The following TGS1 variants were observed in gnomAD, a reference collection of about 807,000 sequenced individuals.
TGS1 encodes trimethylguanosine synthase.
A neutral mutation model predicts 92.2 loss-of-function variants in TGS1; 69 were observed. That is an observed-to-expected ratio of 0.75 (90% confidence interval 0.62 to 0.91). The LOEUF (loss-of-function observed/expected upper bound fraction) is 0.91, where lower values mean the gene tolerates loss of function less well. Among genes scored for constraint, TGS1 ranks in the 40% least tolerant of loss-of-function variants. TGS1 has a pLI of 0.00. For synonymous variants in TGS1, 345 were observed against 338.1 expected (o/e 1.02, Z -0.22); for missense variants, 1,062 against 1,001.2 (o/e 1.06, Z -0.82).
chr8:55,807,441 A>T (rs918662647), intron 10 of TGS1, among the ~76,000 whole-genome samples: 2 of 152,138 alleles, frequency 1.3e-5, no homozygotes, highest in East Asian at 3.8e-4. Context: ...TTCCCCAGGG[A>T]AAGAAATGGG....
At chr8:55,796,214 A>T in intron 7 of TGS1, 62 bp downstream of exon 7, 5 of 1,294,168 alleles carry the variant, frequency 3.9e-6, no homozygotes, top group Non-Finnish European at 5.4e-6. Context: ...TTGACCTCTT[A>T]AAATTGTTGT....
Position 55,809,682 on chromosome 8 carries a change from G to A in TGS1, c.2144-1199G>A, listed in dbSNP as rs142182562. Among the ~76,000 whole-genome samples the A allele has an allele frequency of 9.2e-3, 1,404 of 152,188 alleles. 6 individuals carry two copies. Among genetic ancestry groups the A allele is most frequent in the Admixed American group, 0.018 (273 of 15,290 alleles). On this transcript the variant is annotated intron_variant, in intron 10 of 12. Transcript: ENST00000260129. ...ACTCCTGAGCTCAAGGGGTCCACCC[G>A]CCTCAGCCTCCCAAAGTGCTGGGAT...
At chr8:55,782,120 A>G (rs1162583982) in intron 1 of TGS1, among the ~76,000 whole-genome samples, 2 of 152,066 alleles carry the variant, frequency 1.3e-5, no homozygotes, top group African/African-American at 4.8e-5. Flanking sequence ...ATCATAAGGA[A>G]TATCAGATGT....
chr8:55,795,944 T>G (rs894834657), intron 6 of TGS1, 34 bp from the exon 7 acceptor site: 2 of 1,531,460 alleles, frequency 1.3e-6, no homozygotes, highest in Non-Finnish European at 1.8e-6. Flanking sequence ...TCCTAGAATT[T>G]AAGTTGTGAA....
chr8:55,777,289 GT>G (rs35331898), intron 1 of TGS1, among the ~76,000 whole-genome samples: 116,606 of 142,994 alleles, frequency 0.82, 47,619 homozygotes, highest in African/African-American at 0.93. Context: ...GATTACAGGT[GT>G]TTTTTTTTTT....
chr8:55,819,729 TA>T (rs1186976109), intron 12 of TGS1, among the ~76,000 whole-genome samples: 1 of 152,228 alleles, frequency 6.6e-6, no homozygotes. Context: ...ATTTAATGAA[TA>T]TTTTTAAGTT....
At chr8:55,811,770 GGA>G (rs1803347466) in intron 11 of TGS1, among the ~76,000 whole-genome samples, 3 of 151,904 alleles carry the variant, frequency 2.0e-5, no homozygotes, top group South Asian at 4.2e-4. Context: ...CAAAAAATAG[GGA>G]GAGAGAGAAA....
chr8:55,825,765 C>A lies in TGS1; in HGVS notation c.*1062C>A, dbSNP rs1158137430. Among the ~76,000 whole-genome samples the A allele has an allele frequency of 1.3e-5, 2 of 151,978 alleles. No homozygotes were observed. The highest frequency in any genetic ancestry group is 4.8e-5 in the African/African-American group (2 of 41,258). ...GTTTACAATTTATCTGATTGCTCTG[C>A]AGTACAGTAGCAACTGAGCTGATCA... On this transcript the variant is annotated 3_prime_UTR_variant, in exon 13 of 13. Transcript: ENST00000260129.
chr8:55,786,127 A>C (rs935375299), intron 3 of TGS1, 111 bp from the exon 4 acceptor site: 1 of 742,080 alleles, frequency 1.3e-6, no homozygotes, highest in African/African-American at 1.8e-5. Context: ...AAAAGCCCAT[A>C]GTGGGGCTTT....
rs1333946206 is a variant in TGS1, at chr8:55,804,873, C to A, written c.2000-20C>A. 4.3e-6 allele frequency: 7 copies of A among 1,610,796 alleles called. No homozygotes were observed. Among genetic ancestry groups the A allele is most frequent in the Non-Finnish European group, 5.9e-6 (7 of 1,177,872 alleles). ...CTTCTTGAAATTGAACATGCTAACA[C>A]AAATACTCTTCCTTTGCAGAGGGCT... On this transcript the variant is annotated intron_variant, in intron 9 of 12. Transcript: ENST00000260129.
chr8:55,786,482 C>G lies in TGS1; in HGVS notation c.584C>G (p.Thr195Arg), dbSNP rs1345277192. The change falls in exon 4 of 13, where the codon ACA becomes AGA. Residue 195 changes from threonine (T) to arginine (R), a missense_variant. Transcript: ENST00000260129. ...ACATTATCTCCAAAGCTAGAAATTA[C>G]AGAGAAATGGGAAAAGTATTGGAAT... The part of the protein sequence containing the change: ...ENTLSPKLEI[T>R]EKWEKYWNEY... 6.2e-7 allele frequency: 1 copy of G among 1,613,796 alleles called. No individual in the cohort carries two copies. Among genetic ancestry groups the G allele is most frequent in the African/African-American group, 1.3e-5 (1 of 74,904 alleles).
At chr8:55,824,105 G>A (rs1803727872) in intron 12 of TGS1, among the ~76,000 whole-genome samples, 2 of 152,068 alleles carry the variant, frequency 1.3e-5, no homozygotes, top group African/African-American at 2.4e-5. Context: ...GACAGAGTAG[G>A]ACTCTATCTC....
rs767752146 is a variant in TGS1, at chr8:55,786,903, A to G, written c.1005A>G (p.Gln335=). The G allele has an allele frequency of 6.9e-5, 112 of 1,614,080 alleles. No homozygotes were observed. The highest frequency in any genetic ancestry group is 7.6e-5 in the Non-Finnish European group (90 of 1,180,022). The change falls in exon 4 of 13, where the codon CAA becomes CAG. Residue 335 remains glutamine, a synonymous_variant. Coordinates refer to ENST00000260129, the MANE Select transcript of TGS1 (RefSeq NM_024831.8). ...KLNSEEVTQS[Q]LDSCTSHDGH... ...ATTCAGAGGAAGTAACACAGAGCCA[A>G]TTAGATTCCTGTACAAGTCATGATG...
intron 4 of TGS1, among the ~76,000 whole-genome samples, chr8:55,788,579 C>T (rs553335933): frequency 5.9e-5 from 9 of 152,120 alleles, no homozygotes; most frequent in Admixed American, 2.0e-4. Context: ...CCTCAGCCTC[C>T]CGAGTAGCTG....
rs368395265 is a variant in TGS1, at chr8:55,782,743, C to T, written c.102-5C>T. 2.9e-5 allele frequency: 47 copies of T among 1,606,130 alleles called. 1 individual carries two copies. The Middle Eastern group carries it at 5.0e-4, about 17-fold the overall frequency. On this transcript the variant is annotated splice_polypyrimidine_tract_variant and splice_region_variant and intron_variant, in intron 1 of 12. Coordinates refer to ENST00000260129, the MANE Select transcript of TGS1 (RefSeq NM_024831.8). ...TCAATATGAACTGCTTAATCTGCTT[C>T]GCAGGGATCGAAAATTGTACAATTT...
At chr8:55,797,993 T>C (rs1812106961) in intron 7 of TGS1, among the ~76,000 whole-genome samples, 1 of 152,246 alleles carries the variant, frequency 6.6e-6, no homozygotes, top group African/African-American at 2.4e-5. Flanking sequence ...GCTAGTTATA[T>C]CTGAAACAGA....
intron 12 of TGS1, among the ~76,000 whole-genome samples, chr8:55,822,549 C>CT (rs5891593): frequency 0.028 from 4,044 of 145,034 alleles, 168 homozygotes; most frequent in African/African-American, 0.091. Context: ...GACAAAATAC[C>CT]TTTTTTTTTT....
intron 8 of TGS1, among the ~76,000 whole-genome samples, chr8:55,799,437 G>T (rs1195312463): frequency 6.6e-6 from 1 of 152,156 alleles, no homozygotes; most frequent in Non-Finnish European, 1.5e-5. Flanking sequence ...ACATGATCAA[G>T]TAGAAAAGGA....
chr8:55,824,816 C>T lies in TGS1; in HGVS notation c.*113C>T, dbSNP rs939102049. 4.0e-5 allele frequency: 49 copies of T among 1,229,876 alleles called. No individual in the cohort carries two copies. Among genetic ancestry groups the T allele is most frequent in the Non-Finnish European group, 5.0e-5 (44 of 888,700 alleles). The allele number at this position is 1,229,876 out of a possible 1,614,324, so 76.2% of individuals were successfully genotyped here. On this transcript the variant is annotated 3_prime_UTR_variant, in exon 13 of 13. Coordinates refer to ENST00000260129, the MANE Select transcript of TGS1 (RefSeq NM_024831.8). The stretch of plus-strand genomic sequence containing the variant: ...TTTTCTACCCATGGTCTTATATCAC[C>T]GTATGAAATGGAAACTTACAGGACT...
Sources: gnomAD v4.1 joint callset for allele counts (sites outside exome capture counted in the v4.1 genomes callset) on GRCh38, gnomAD v4.1.1 for gene constraint, MANE v1.5 for transcripts, NCBI Gene and HGNC (gene_info 2026-07-23, HGNC 2026-07-21) for gene names.